CYFIP2: variants seen among roughly 807,000 people sequenced by gnomAD.
The protein encoded by CYFIP2 is cytoplasmic FMR1-interacting protein 2.
A neutral mutation model predicts 158.7 loss-of-function variants in CYFIP2; 29 were observed. The observed-to-expected ratio is 0.18, with a 90% confidence interval of 0.14 to 0.25. The LOEUF is 0.25. Among genes scored for constraint, CYFIP2 ranks in the 10% least tolerant of loss-of-function variants. The pLI is 1.00. For synonymous variants in CYFIP2, 585 were observed against 617.6 expected, an observed-to-expected ratio of 0.95 and a Z score of 0.78; for missense variants, 852 against 1,639.5, an observed-to-expected ratio of 0.52 and a Z score of 8.29.
intron 22 of CYFIP2, among the ~76,000 whole-genome samples, chr5:157,340,078 A>G (rs1438254682): frequency 1.3e-5 from 2 of 152,402 alleles, no homozygotes; most frequent in East Asian, 3.9e-4. Flanking sequence ...TACGCATGAC[A>G]AAGTGGAACT....
At position 157,389,377 on chromosome 5, in the gene CYFIP2, C is replaced by T; in HGVS notation, c.3396C>T (p.Ala1132=). ...ECVEFHRLWS[A]MQFVYCIPVG... is the part of the protein sequence containing the mutation. Reference sequence around the variant, plus strand: ...TGGAGTTCCACCGGCTGTGGAGCGCCATGCAGTTCGTGTACTGCATCCCTG... The same window carrying T: ...TGGAGTTCCACCGGCTGTGGAGCGCTATGCAGTTCGTGTACTGCATCCCTG... Residue 1132 remains alanine (A), a synonymous_variant, in exon 29 of 31, where the codon GCC becomes GCT. Transcript: ENST00000620254. 1 of 1,613,058 alleles carries T rather than the reference C, an allele frequency of 6.2e-7. No individual in the cohort carries two copies. The highest frequency in any genetic ancestry group is 8.5e-7 in the Non-Finnish European group (1 of 1,179,312).
chr5:157,365,808 T>TCTGTCATTCAACATTA (rs1764315949), intron 26 of CYFIP2, among the ~76,000 whole-genome samples: 1 of 151,566 alleles, frequency 6.6e-6, no homozygotes, highest in Non-Finnish European at 1.5e-5. Context: ...ACATTACATT[T>TCTGTCATTCAACATTA]GAGATTCATC....
intron 26 of CYFIP2, among the ~76,000 whole-genome samples, chr5:157,373,567 A>G (rs1202511274): frequency 3.3e-5 from 5 of 152,204 alleles, no homozygotes; most frequent in Non-Finnish European, 7.3e-5. Context: ...TTCATTTATC[A>G]AATAATTTTG....
intron 25 of CYFIP2, among the ~76,000 whole-genome samples, chr5:157,360,796 C>T (rs369429283): frequency 2.0e-5 from 3 of 152,162 alleles, no homozygotes; most frequent in Non-Finnish European, 4.4e-5. Flanking sequence ...GCTGTTTGAC[C>T]GCTGGGCAGA....
chr5:157,374,515 C>T (rs1194161324), intron 26 of CYFIP2, among the ~76,000 whole-genome samples: 1 of 152,124 alleles, frequency 6.6e-6, no homozygotes, highest in Non-Finnish European at 1.5e-5. Flanking sequence ...AAGATGGTAT[C>T]ATTGTCTCCC....
intron 26 of CYFIP2, among the ~76,000 whole-genome samples, chr5:157,382,239 C>CTAT (rs1766200612): frequency 6.6e-6 from 1 of 152,040 alleles, no homozygotes; most frequent in African/African-American, 2.4e-5. Flanking sequence ...AGACTGAGGC[C>CTAT]CATCATATGT....
At chr5:157,350,977 C>T (rs2113308464) in intron 23 of CYFIP2, among the ~76,000 whole-genome samples, 1 of 152,220 alleles carries the variant, frequency 6.6e-6, no homozygotes, top group Admixed American at 6.5e-5. Flanking sequence ...TCTAGGTATA[C>T]AGTCATATCA....
chr5:157,354,933 C>T (rs1763312845), intron 23 of CYFIP2, among the ~76,000 whole-genome samples: 1 of 152,036 alleles, frequency 6.6e-6, no homozygotes, highest in Admixed American at 6.5e-5. Context: ...CCTTGGGTGG[C>T]GGTGAGGGTT....
At chr5:157,300,251 G>A (rs1393697311) in intron 5 of CYFIP2, among the ~76,000 whole-genome samples, 2 of 152,100 alleles carry the variant, frequency 1.3e-5, no homozygotes, top group Non-Finnish European at 2.9e-5. Flanking sequence ...ATCAGCTTCG[G>A]GCCAGGTATG....
chr5:157,343,343 T>C lies in CYFIP2; in HGVS notation c.2673+2186T>C, dbSNP rs200482990. On this transcript the variant is annotated intron_variant, in intron 23 of 30. Transcript: ENST00000620254. ...GAAGTAGAGAGTGGAAGGGGCAAGA[T>C]GTTCCAGCACCACGGAGCTGATCGT... The C allele has an allele frequency of 6.5e-4, 1,053 of 1,614,184 alleles. 1 individual carries two copies. Among genetic ancestry groups the C allele is most frequent in the Non-Finnish European group, 8.7e-4 (1,026 of 1,180,034 alleles).
At chr5:157,298,677 C>G (rs910133213) in intron 5 of CYFIP2, among the ~76,000 whole-genome samples, 2 of 152,022 alleles carry the variant, frequency 1.3e-5, no homozygotes. Context: ...TTCATTACCC[C>G]AAAAAGAAAC....
intron 21 of CYFIP2, among the ~76,000 whole-genome samples, chr5:157,338,321 G>A (rs1762002139): frequency 1.3e-5 from 2 of 152,178 alleles, no homozygotes; most frequent in Admixed American, 1.3e-4. Flanking sequence ...TTGTAGCCAC[G>A]CCTTTGCCAA....
At chr5:157,290,569 C>G (rs1362046120) in intron 3 of CYFIP2, among the ~76,000 whole-genome samples, 1 of 152,152 alleles carries the variant, frequency 6.6e-6, no homozygotes, top group East Asian at 1.9e-4. Flanking sequence ...TGCCTCTTTC[C>G]ATGTGAAGGA....
intron 23 of CYFIP2, among the ~76,000 whole-genome samples, chr5:157,347,823 A>T (rs1038825737): frequency 7.2e-5 from 11 of 152,244 alleles, no homozygotes; most frequent in African/African-American, 2.7e-4. Context: ...GGGAGAAGAC[A>T]TGGCATTCCT....
At chr5:157,373,817 C>T (rs1765215773) in intron 26 of CYFIP2, among the ~76,000 whole-genome samples, 1 of 152,110 alleles carries the variant, frequency 6.6e-6, no homozygotes, top group South Asian at 2.1e-4. Context: ...GTGATGACTC[C>T]TGGGTGGTGG....
chr5:157,339,987 A>G (rs934718481), intron 22 of CYFIP2, among the ~76,000 whole-genome samples: 2 of 152,216 alleles, frequency 1.3e-5, no homozygotes, highest in African/African-American at 4.8e-5. Context: ...AGGAGATGAC[A>G]TGATCAGATT....
intron 6 of CYFIP2, 77 bp from the exon 7 acceptor site, chr5:157,302,717 A>G (rs1451592395): frequency 8.8e-7 from 1 of 1,130,538 alleles, no homozygotes; most frequent in Non-Finnish European, 1.3e-6. Flanking sequence ...TTAGGTGGGC[A>G]TGCGAGCCCG....
chr5:157,360,678 C>T (rs539167884), intron 25 of CYFIP2, among the ~76,000 whole-genome samples: 1 of 152,176 alleles, frequency 6.6e-6, no homozygotes, highest in Non-Finnish European at 1.5e-5. Flanking sequence ...TTTATGAGCT[C>T]AGCACCTCCA....
At chr5:157,299,091 A>G (rs1039543859) in intron 5 of CYFIP2, among the ~76,000 whole-genome samples, 2 of 152,182 alleles carry the variant, frequency 1.3e-5, no homozygotes, top group African/African-American at 4.8e-5. Flanking sequence ...TAGGAGTGGA[A>G]TTGTTGGGTC....
Sources: gnomAD v4.1 joint callset for allele counts (sites outside exome capture counted in the v4.1 genomes callset) on GRCh38, gnomAD v4.1.1 for gene constraint, MANE v1.5 for transcripts, NCBI Gene and HGNC (gene_info 2026-07-23, HGNC 2026-07-21) for gene names.